The following RBFOX1 variants were observed in gnomAD, a reference collection of about 807,000 sequenced individuals.
RBFOX1 encodes RNA binding fox-1 homolog 1.
RBFOX1 carries 8 observed loss-of-function variants against 57.7 expected under a neutral mutation model. The ratio of observed to expected loss-of-function variants is 0.14; its 90% CI spans 0.08 to 0.25. The LOEUF (loss-of-function observed/expected upper bound fraction) is 0.25. Among genes scored for constraint, RBFOX1 ranks in the 10% least tolerant of loss-of-function variants. RBFOX1 has a pLI of 1.00. For synonymous variants in RBFOX1, 326 were observed against 222.4 expected (o/e 1.47, Z -4.15); for missense variants, 611 against 548.5 (o/e 1.11, Z -1.14).
chr16:6,938,885 T>C (rs554494716), intron 3 of RBFOX1, among the ~76,000 whole-genome samples: 23 of 152,230 alleles, frequency 1.5e-4, no homozygotes, highest in Middle Eastern at 3.4e-3. Context: ...TGAGCCGAGA[T>C]TGCACCACTG....
chr16:6,036,375 C>A (rs1260500212), intron 1 of RBFOX1, among the ~76,000 whole-genome samples: 1 of 151,808 alleles, frequency 6.6e-6, no homozygotes. Context: ...TAGAACCATC[C>A]ATTCTAGCAT....
At chr16:7,074,747 A>G (rs897702955) in intron 4 of RBFOX1, among the ~76,000 whole-genome samples, 7 of 152,346 alleles carry the variant, frequency 4.6e-5, no homozygotes, top group South Asian at 4.1e-4. Context: ...CAGTATAAGC[A>G]TAAGAAAAAA....
At chr16:6,959,230 T>C (rs1264563321) in intron 3 of RBFOX1, among the ~76,000 whole-genome samples, 1 of 152,182 alleles carries the variant, frequency 6.6e-6, no homozygotes, top group African/African-American at 2.4e-5. Context: ...TACCTCTCTT[T>C]GCTAAGCTCA....
At chr16:5,901,843 G>A (rs760065478) in intron 4 of RBFOX1, among the ~76,000 whole-genome samples, 4 of 152,034 alleles carry the variant, frequency 2.6e-5, no homozygotes, top group Middle Eastern at 3.4e-3. Context: ...TTATCATTTC[G>A]TCTCTGCTGA....
rs77922026 is a variant in RBFOX1, at chr16:5,627,381, A to G, written c.318+28420A>G. Among the ~76,000 whole-genome samples the G allele has an allele frequency of 6.0e-3, 909 of 152,094 alleles. 10 individuals are homozygous for G. Among genetic ancestry groups the G allele is most frequent in the African/African-American group, 0.021 (863 of 41,372 alleles). On this transcript the variant is annotated intron_variant, in intron 3 of 19. Coordinates refer to the RBFOX1 transcript ENST00000641259. ...ACAGAAACCAAATTGTGTATCCCACATTCAGCAATTTTGCCTTTTAACCAT... is the reference window on the plus strand; with the variant it reads ...ACAGAAACCAAATTGTGTATCCCACGTTCAGCAATTTTGCCTTTTAACCAT...
chr16:5,887,736 G>C (rs189875280), intron 4 of RBFOX1, among the ~76,000 whole-genome samples: 2 of 152,236 alleles, frequency 1.3e-5, no homozygotes, highest in Admixed American at 6.5e-5. Context: ...AAGTGAAAAT[G>C]TAGGGCCAGA....
At chr16:7,701,173 A>C (rs7206535) in intron 14 of RBFOX1, among the ~76,000 whole-genome samples, 14 of 152,078 alleles carry the variant, frequency 9.2e-5, no homozygotes, top group Admixed American at 7.8e-4. Context: ...AACAGAGCCA[A>C]GTAGAGATGA....
intron 2 of RBFOX1, among the ~76,000 whole-genome samples, chr16:6,619,800 T>G (rs2098200216): frequency 6.6e-6 from 1 of 151,030 alleles, no homozygotes. Context: ...GATGATTTCA[T>G]CATCCAGATG....
intron 4 of RBFOX1, chr16:7,510,338 A>G (rs2074691419): frequency 8.1e-6 from 8 of 985,432 alleles, no homozygotes; most frequent in Admixed American, 6.2e-5. Context: ...TTTCCATTTA[A>G]TCTTTCACTC....
chr16:7,451,469 G>A (rs761764259), intron 4 of RBFOX1, among the ~76,000 whole-genome samples: 1 of 152,048 alleles, frequency 6.6e-6, no homozygotes, highest in Non-Finnish European at 1.5e-5. Context: ...TTGTGCTCGG[G>A]ACCGTAATGC....
chr16:6,237,020 A>T (rs1386575797), intron 1 of RBFOX1, among the ~76,000 whole-genome samples: 1 of 152,178 alleles, frequency 6.6e-6, no homozygotes, highest in Admixed American at 6.5e-5. Context: ...TAGCATTATA[A>T]ATGCAAAAGA....
chr16:6,189,388 C>T (rs148243693), intron 1 of RBFOX1, among the ~76,000 whole-genome samples: 12 of 152,318 alleles, frequency 7.9e-5, no homozygotes, highest in African/African-American at 2.4e-4. Flanking sequence ...TTTGCCAACT[C>T]ATCATAAACT....
chr16:7,703,378 T>C (rs1281554031), intron 14 of RBFOX1, among the ~76,000 whole-genome samples: 1 of 152,164 alleles, frequency 6.6e-6, no homozygotes, highest in Non-Finnish European at 1.5e-5. Context: ...ATGTCTTTGC[T>C]ACCTTCTGAA....
intron 3 of RBFOX1, among the ~76,000 whole-genome samples, chr16:6,901,028 CATT>C (rs1477209698): frequency 3.3e-5 from 5 of 152,186 alleles, no homozygotes; most frequent in Non-Finnish European, 2.9e-5. Flanking sequence ...CATTCACCGA[CATT>C]ATGTATACCG....
intron 5 of RBFOX1, among the ~76,000 whole-genome samples, chr16:7,545,902 C>T (rs2084334166): frequency 6.6e-6 from 1 of 150,964 alleles, no homozygotes; most frequent in Admixed American, 6.6e-5. Flanking sequence ...GCCTACCTGA[C>T]AGAACTGTTT....
At chr16:6,530,473 A>G (rs1401103161) in intron 2 of RBFOX1, among the ~76,000 whole-genome samples, 1 of 152,158 alleles carries the variant, frequency 6.6e-6, no homozygotes, top group Non-Finnish European at 1.5e-5. Context: ...AAATATTCAA[A>G]TTCTTTCTTT....
Position 7,099,195 on chromosome 16 carries a change from TACAA to T in RBFOX1, c.27+47102_27+47105del, listed in dbSNP as rs200225513. On this transcript the variant is annotated intron_variant, in intron 4 of 15. Transcript: ENST00000550418. ...CTGTTGTCATTACAAAAAAACTGAG[TACAA>T]ACAATGTCTTCTGCATACGTGTGGA... is the stretch of plus-strand genomic sequence containing the variant. Among the ~76,000 whole-genome samples the T allele has an allele frequency of 1.4e-3, 206 of 152,246 alleles. 3 individuals carry two copies. The East Asian group carries it at 0.031, about 23-fold the overall frequency.
At chr16:5,450,410 C>T (rs61093099) in intron 1 of RBFOX1, among the ~76,000 whole-genome samples, 56,882 of 151,956 alleles carry the variant, frequency 0.37, 11,806 homozygotes, top group East Asian at 0.47. Context: ...ATGCAGACCA[C>T]AGGGAATTTG....
intron 7 of RBFOX1, among the ~76,000 whole-genome samples, chr16:7,588,062 C>T (rs1567972728): frequency 6.6e-6 from 1 of 152,164 alleles, no homozygotes. Context: ...GCCTGTAATT[C>T]CAGCTACTCG....
Sources: allele counts gnomAD v4.1 joint callset (sites outside exome capture counted in the v4.1 genomes callset), GRCh38; gene constraint gnomAD v4.1.1; transcripts MANE v1.5; gene names NCBI Gene and HGNC (gene_info 2026-07-23, HGNC 2026-07-21).